TBC1D19: variants seen among roughly 807,000 people sequenced by gnomAD.
TBC1D19 encodes TBC1 domain family member 19.
In TBC1D19, 60 loss-of-function variants were observed where a neutral mutation model predicts 89.0. The observed-to-expected ratio is 0.67, with a 90% CI of 0.55 to 0.84. TBC1D19 has a LOEUF of 0.84. Ranked by LOEUF, TBC1D19 falls within the 40% of genes least tolerant of loss-of-function variation. The probability of loss-of-function intolerance (pLI) is 0.00; values close to 1 mark genes in which losing one functional copy is unlikely to be tolerated. For missense variants in TBC1D19, 500 were observed against 610.8 expected (o/e 0.82, Z 1.91); for synonymous variants, 189 against 199.7 (o/e 0.95, Z 0.45).
intron 8 of TBC1D19, among the ~76,000 whole-genome samples, chr4:26,664,004 C>A (rs1313565787): frequency 6.6e-6 from 1 of 152,166 alleles, no homozygotes; most frequent in East Asian, 1.9e-4. Context: ...AGGACTAGAG[C>A]TAAGTAGTGT....
intron 13 of TBC1D19, among the ~76,000 whole-genome samples, chr4:26,691,841 A>G (rs888412043): frequency 9.9e-5 from 15 of 152,208 alleles, no homozygotes; most frequent in Admixed American, 9.2e-4. Flanking sequence ...TAGTTTGCCA[A>G]TAACCTCTGT....
the TBC1D19 span, among the ~76,000 whole-genome samples, chr4:26,827,326 C>T: frequency 2.6e-5 from 4 of 152,222 alleles, no homozygotes; most frequent in Non-Finnish European, 5.9e-5. Context: ...CAGGCATTGG[C>T]AGGCACAGTG....
At chr4:26,857,708 G>A in the TBC1D19 span, 1 of 152,266 alleles carries the variant, frequency 6.6e-6, no homozygotes, top group African/African-American at 2.4e-5. Flanking sequence ...CGGTGGCGCA[G>A]GCGCCCTGCC....
the TBC1D19 span, among the ~76,000 whole-genome samples, chr4:26,818,554 C>T: frequency 6.6e-6 from 1 of 152,094 alleles, no homozygotes; most frequent in Admixed American, 6.6e-5. Context: ...CCGCGGCTGG[C>T]CTCAATGTAA....
chr4:26,591,514 CAAAA>C (rs1346273326), intron 1 of TBC1D19, among the ~76,000 whole-genome samples: 1 of 151,854 alleles, frequency 6.6e-6, no homozygotes, highest in African/African-American at 2.4e-5. Flanking sequence ...AACAGAGACA[CAAAA>C]AAACCCTTCA....
the TBC1D19 span, among the ~76,000 whole-genome samples, chr4:26,853,205 C>A: frequency 6.6e-6 from 1 of 152,194 alleles, no homozygotes; most frequent in African/African-American, 2.4e-5. Context: ...CTAGCTAGAT[C>A]GATCTCACTG....
chr4:26,823,120 A>G, the TBC1D19 span, among the ~76,000 whole-genome samples: 1 of 152,234 alleles, frequency 6.6e-6, no homozygotes, highest in Admixed American at 6.5e-5. Flanking sequence ...CAATCATGGC[A>G]GAAGGCAAGG....
At chr4:26,745,339 A>C in intron 18 of TBC1D19, among the ~76,000 whole-genome samples, 1 of 151,704 alleles carries the variant, frequency 6.6e-6, no homozygotes, top group Non-Finnish European at 1.5e-5. Flanking sequence ...CTATATTACT[A>C]AATTTTTTTA....
At chr4:26,628,408 T>C (rs1175651350) in intron 4 of TBC1D19, among the ~76,000 whole-genome samples, 1 of 152,176 alleles carries the variant, frequency 6.6e-6, no homozygotes, top group Non-Finnish European at 1.5e-5. Context: ...AAGTAGTTTT[T>C]TCCAGTTCTG....
chr4:26,673,442 T>TACACACACACAC (rs1167477111), intron 10 of TBC1D19, among the ~76,000 whole-genome samples: 260 of 14,666 alleles, frequency 0.018, 1 homozygote, highest in African/African-American at 0.024. Flanking sequence ...TATATATATA[T>TACACACACACAC]ATATACACAC....
chr4:26,755,550 G>A lies in TBC1D19; in HGVS notation c.*603G>A, dbSNP rs1719217843. Among the ~76,000 whole-genome samples, 1 of 152,072 alleles carries A rather than the reference G, an allele frequency of 6.6e-6. No homozygotes were observed. The highest frequency in any genetic ancestry group is 2.1e-4 in the South Asian group (1 of 4,824). On this transcript the variant is annotated 3_prime_UTR_variant, in exon 21 of 21. Transcript: ENST00000264866. ...TCTTTAAACATCTCTACTGGGGAAG[G>A]TCGAATACAATTGTCTCCATTTGAC...
At chr4:26,721,880 C>T (rs1218733148) in intron 15 of TBC1D19, among the ~76,000 whole-genome samples, 1 of 152,148 alleles carries the variant, frequency 6.6e-6, no homozygotes, top group East Asian at 1.9e-4. Context: ...CTTAGAATAG[C>T]CCATCTAACC....
chr4:26,826,640 G>A, the TBC1D19 span, among the ~76,000 whole-genome samples: 1 of 152,132 alleles, frequency 6.6e-6, no homozygotes, highest in Admixed American at 6.5e-5. Flanking sequence ...GTTAGATTGA[G>A]TTTAGATCAA....
intron 1 of TBC1D19, among the ~76,000 whole-genome samples, chr4:26,606,016 T>G (rs1740977220): frequency 6.6e-6 from 1 of 152,208 alleles, no homozygotes; most frequent in Non-Finnish European, 1.5e-5. Context: ...CATTCTTGGG[T>G]TCTCAATAAT....
chr4:26,787,219 A>G, the TBC1D19 span, among the ~76,000 whole-genome samples: 1 of 150,286 alleles, frequency 6.7e-6, no homozygotes, highest in Non-Finnish European at 1.5e-5. Context: ...CTCATGCCTC[A>G]GCTTCCCAAG....
chr4:26,645,908 G>T (rs1429789113), intron 7 of TBC1D19, among the ~76,000 whole-genome samples: 42 of 152,058 alleles, frequency 2.8e-4, no homozygotes, highest in African/African-American at 9.9e-4. Context: ...CGGATCACGA[G>T]GTCAGGAGAT....
chr4:26,577,310 T>TGCGTGTGTGTGCGTGTGTGTGTGTGTGC (rs2109917520), intron 1 of TBC1D19, among the ~76,000 whole-genome samples: 1 of 152,218 alleles, frequency 6.6e-6, no homozygotes, highest in East Asian at 1.9e-4. Context: ...TGCGTGTGTG[T>TGCGTGTGTGTGCGTGTGTGTGTGTGTGC]GTGTCTGTGT....
intron 1 of TBC1D19, among the ~76,000 whole-genome samples, chr4:26,586,666 A>G (rs1385478866): frequency 3.3e-5 from 5 of 152,146 alleles, no homozygotes; most frequent in African/African-American, 1.2e-4. Flanking sequence ...TTCAGCACAC[A>G]AATATTGCAT....
Position 26,755,043 on chromosome 4 carries a change from T to C in TBC1D19, c.*96T>C. 1 of 1,091,176 alleles carries C rather than the reference T, an allele frequency of 9.2e-7. No homozygotes were observed. The allele number at this position is 1,091,176 out of a possible 1,614,324, so 67.6% of individuals were successfully genotyped here. On this transcript the variant is annotated 3_prime_UTR_variant, in exon 21 of 21. Transcript: ENST00000264866. Reference sequence around the variant, plus strand: ...CATAAAACCAAAATGAAACTTTGCATATAAGCCAATAAAGATCATGTTCCC... The same window carrying C: ...CATAAAACCAAAATGAAACTTTGCACATAAGCCAATAAAGATCATGTTCCC...
Sources: allele counts gnomAD v4.1 joint callset (sites outside exome capture counted in the v4.1 genomes callset), GRCh38; gene constraint gnomAD v4.1.1; transcripts MANE v1.5; gene names NCBI Gene and HGNC (gene_info 2026-07-23, HGNC 2026-07-21).